Variants in NRXN3 observed in about 807,000 individuals in gnomAD.
NRXN3 encodes neurexin III.
NRXN3 carries 32 observed loss-of-function variants against 137.6 expected under a neutral mutation model. The ratio of observed to expected loss-of-function variants is 0.23; its 90% CI spans 0.18 to 0.31. The LOEUF is 0.31. Among genes scored for constraint, NRXN3 ranks in the 10% least tolerant of loss-of-function variants. The probability of loss-of-function intolerance (pLI) is 1.00; values close to 1 mark genes in which losing one functional copy is unlikely to be tolerated. For synonymous variants in NRXN3, 798 were observed against 784.5 expected (o/e 1.02, Z -0.29); for missense variants, 1,574 against 2,062.5 (o/e 0.76, Z 4.59).
intron 4 of NRXN3, among the ~76,000 whole-genome samples, chr14:78,378,500 A>AATC (rs2088355982): frequency 6.6e-6 from 1 of 152,008 alleles, no homozygotes; most frequent in Non-Finnish European, 1.5e-5. Flanking sequence ...AAAAAAAAAA[A>AATC]AAAATCAAAT....
chr14:78,222,190 A>G (rs17827758), intron 1 of NRXN3, among the ~76,000 whole-genome samples: 18,850 of 152,206 alleles, frequency 0.12, 1,311 homozygotes, highest in Middle Eastern at 0.15. Flanking sequence ...TGAGGAGTCA[A>G]ATATGAACAG....
chr14:79,638,198 C>A (rs1265073993), intron 16 of NRXN3, among the ~76,000 whole-genome samples: 1 of 152,138 alleles, frequency 6.6e-6, no homozygotes, highest in Non-Finnish European at 1.5e-5. Context: ...GTCTGGAAAC[C>A]AAATAATCAT....
intron 10 of NRXN3, among the ~76,000 whole-genome samples, chr14:78,831,413 G>A (rs2098981408): frequency 6.6e-6 from 1 of 151,600 alleles, no homozygotes; most frequent in Non-Finnish European, 1.5e-5. Flanking sequence ...GTAGGCGCCT[G>A]TAATCCCAGC....
chr14:78,584,032 T>G (rs117631504), intron 4 of NRXN3, among the ~76,000 whole-genome samples: 1,764 of 152,276 alleles, frequency 0.012, 25 homozygotes, highest in Admixed American at 0.035. Context: ...ACCTTATGAT[T>G]GAGGAAACTG....
At chr14:78,321,299 CT>C (rs1274080377) in intron 4 of NRXN3, among the ~76,000 whole-genome samples, 1 of 151,916 alleles carries the variant, frequency 6.6e-6, no homozygotes, top group Non-Finnish European at 1.5e-5. Flanking sequence ...CATTGAAAAA[CT>C]TTCCCAAGGC....
Position 78,651,209 on chromosome 14 carries a change from T to C in NRXN3, c.1104T>C (p.Thr368=). The C allele has an allele frequency of 6.2e-7, 1 of 1,613,880 alleles. No individual in the cohort carries two copies. Among genetic ancestry groups the C allele is most frequent in the Non-Finnish European group, 8.5e-7 (1 of 1,179,882 alleles). Residue 368 remains threonine, a synonymous_variant, in exon 6 of 21, where the codon ACT becomes ACC. Transcript: ENST00000335750. ...VDGILTTTGY[T]QEDYTMLGSD... The stretch of plus-strand genomic sequence containing the variant: ...GCATTCTTACCACGACGGGCTACAC[T>C]CAAGAGGACTATACCATGCTGGGCT...
At chr14:78,837,841 T>A (rs991963478) in intron 10 of NRXN3, among the ~76,000 whole-genome samples, 2 of 152,120 alleles carry the variant, frequency 1.3e-5, no homozygotes, top group African/African-American at 4.8e-5. Flanking sequence ...TTGGTGTAGA[T>A]GCAAAATCTT....
chr14:79,623,849 GTTTTTTT>G (rs571687023), intron 16 of NRXN3, among the ~76,000 whole-genome samples: 3 of 98,000 alleles, frequency 3.1e-5, no homozygotes, highest in Non-Finnish European at 4.2e-5. Flanking sequence ...CTTAGCTCCT[GTTTTTTT>G]TTTTTTTTTT....
intron 4 of NRXN3, among the ~76,000 whole-genome samples, chr14:78,425,574 T>C (rs1449244811): frequency 6.6e-6 from 1 of 152,150 alleles, no homozygotes; most frequent in Non-Finnish European, 1.5e-5. Context: ...ACCCCTTGAC[T>C]AAACCCTCTG....
At chr14:79,857,857 T>C (rs908440733) in intron 20 of NRXN3, among the ~76,000 whole-genome samples, 3 of 152,188 alleles carry the variant, frequency 2.0e-5, no homozygotes, top group Non-Finnish European at 4.4e-5. Context: ...TACCACTTTG[T>C]TGTCTAAAAA....
intron 19 of NRXN3, among the ~76,000 whole-genome samples, chr14:79,739,674 A>AAC (rs2098954148): frequency 6.7e-6 from 1 of 150,266 alleles, no homozygotes; most frequent in Non-Finnish European, 1.5e-5. Context: ...AAAAAAAAAA[A>AAC]AAAGAACCCA....
rs564138357 is a variant in NRXN3 at position 79,568,056 on chromosome 14, T to A, written c.3445-95722T>A. On this transcript the variant is annotated intron_variant, in intron 16 of 20. Coordinates refer to ENST00000335750, the MANE Select transcript of NRXN3 (RefSeq NM_001330195.2). ...GAGCATGCTTTATTTCAATCACAATTCAATGGAACTGAAGAACAGAATTAG... is the reference window on the plus strand; with the variant it reads ...GAGCATGCTTTATTTCAATCACAATACAATGGAACTGAAGAACAGAATTAG... Among the ~76,000 whole-genome samples the A allele has an allele frequency of 1.1e-4, 17 of 152,214 alleles. No homozygotes were observed. The South Asian group carries it at 2.9e-3, about 26-fold the overall frequency.
chr14:79,214,994 G>A (rs1404571854), intron 15 of NRXN3, among the ~76,000 whole-genome samples: 2 of 152,158 alleles, frequency 1.3e-5, no homozygotes, highest in Non-Finnish European at 1.5e-5. Context: ...CACACTGTGA[G>A]CTCAAGGTCC....
intron 10 of NRXN3, among the ~76,000 whole-genome samples, chr14:78,841,016 A>C (rs1057314450): frequency 5.9e-5 from 9 of 152,160 alleles, no homozygotes; most frequent in Non-Finnish European, 1.0e-4. Context: ...GATGAAATTA[A>C]AACTGGGAGT....
intron 6 of NRXN3, among the ~76,000 whole-genome samples, chr14:78,680,365 C>G (rs1273515308): frequency 6.6e-6 from 1 of 152,040 alleles, no homozygotes. Context: ...CACTTGTACC[C>G]CTGAAGTTAA....
At chr14:79,671,608 T>C (rs1377044652) in intron 17 of NRXN3, among the ~76,000 whole-genome samples, 1 of 152,078 alleles carries the variant, frequency 6.6e-6, no homozygotes, top group Non-Finnish European at 1.5e-5. Context: ...ATAGTCTTGC[T>C]TGGGGAGTGA....
chr14:79,474,607 G>C (rs1447543978), intron 16 of NRXN3, among the ~76,000 whole-genome samples: 5 of 151,982 alleles, frequency 3.3e-5, no homozygotes, highest in African/African-American at 1.2e-4. Flanking sequence ...TAGCCTCCTT[G>C]GTGTCTCATT....
At chr14:79,365,664 A>T (rs1158140498) in intron 15 of NRXN3, among the ~76,000 whole-genome samples, 1 of 141,640 alleles carries the variant, frequency 7.1e-6, no homozygotes, top group Non-Finnish European at 1.5e-5. Flanking sequence ...GCTTGCAGTG[A>T]GCCGAGATTG....
At chr14:78,172,250 C>G (rs1334787492) in intron 1 of NRXN3, among the ~76,000 whole-genome samples, 1 of 152,084 alleles carries the variant, frequency 6.6e-6, no homozygotes, top group African/African-American at 2.4e-5. Flanking sequence ...CCAGGATAGT[C>G]TATCTGGGGG....
Sources: gnomAD v4.1 joint callset for allele counts (sites outside exome capture counted in the v4.1 genomes callset) on GRCh38, gnomAD v4.1.1 for gene constraint, MANE v1.5 for transcripts, NCBI Gene and HGNC (gene_info 2026-07-23, HGNC 2026-07-21) for gene names.